Variants in RAI14 observed in about 807,000 individuals in gnomAD.
The protein encoded by RAI14 is retinoic acid induced 14, also known as ankycorbin.
Under a neutral mutation model 115.4 loss-of-function variants are expected in RAI14, and 45 were observed. That is an observed-to-expected ratio of 0.39 (90% CI 0.31 to 0.50). The LOEUF is 0.50. Ranked by LOEUF, RAI14 falls within the 20% of genes least tolerant of loss-of-function variation. RAI14 has a pLI of 0.85. For missense variants in RAI14, 939 were observed against 1,131.2 expected (o/e 0.83, Z 2.44); for synonymous variants, 371 against 415.4 (o/e 0.89, Z 1.30).
chr5:34,709,893 T>C (rs1172292284), intron 2 of RAI14, among the ~76,000 whole-genome samples: 2 of 152,210 alleles, frequency 1.3e-5, no homozygotes, highest in East Asian at 1.9e-4. Flanking sequence ...CCCCCAGAGA[T>C]AATGTGTGGA....
At chr5:34,800,942 G>C (rs1754185400) in intron 4 of RAI14, among the ~76,000 whole-genome samples, 1 of 152,168 alleles carries the variant, frequency 6.6e-6, no homozygotes, top group South Asian at 2.1e-4. Flanking sequence ...CATTTGTAAG[G>C]CATTTGTTTA....
At chr5:34,681,151 T>A (rs1036009534) in intron 1 of RAI14, among the ~76,000 whole-genome samples, 14 of 152,354 alleles carry the variant, frequency 9.2e-5, no homozygotes, top group Non-Finnish European at 1.8e-4. Flanking sequence ...TTAGGAAGGT[T>A]GGTCTGGAGA....
intron 2 of RAI14, among the ~76,000 whole-genome samples, chr5:34,754,410 T>C (rs1052053869): frequency 6.6e-6 from 1 of 152,162 alleles, no homozygotes; most frequent in African/African-American, 2.4e-5. Context: ...CTTAAAATTT[T>C]TTATTTTTAG....
chr5:34,807,283 G>A (rs554839108), intron 5 of RAI14, among the ~76,000 whole-genome samples: 7 of 152,236 alleles, frequency 4.6e-5, no homozygotes, highest in Admixed American at 2.6e-4. Flanking sequence ...GGAGCTGAGA[G>A]GTTGGAGAGA....
At chr5:34,794,380 G>T (rs1187064989) in intron 3 of RAI14, among the ~76,000 whole-genome samples, 1 of 152,176 alleles carries the variant, frequency 6.6e-6, no homozygotes, top group Non-Finnish European at 1.5e-5. Flanking sequence ...CCAAGATCAT[G>T]CCACTGCACT....
At chr5:34,780,367 A>T (rs542541386) in intron 3 of RAI14, among the ~76,000 whole-genome samples, 1 of 152,238 alleles carries the variant, frequency 6.6e-6, no homozygotes, top group African/African-American at 2.4e-5. Flanking sequence ...GCCAAAATTG[A>T]CAAATGGGAT....
chr5:34,778,082 T>C (rs1258757465), intron 3 of RAI14, among the ~76,000 whole-genome samples: 1 of 152,248 alleles, frequency 6.6e-6, no homozygotes, highest in Non-Finnish European at 1.5e-5. Context: ...TGAATTATAA[T>C]CTATGCATGT....
At position 34,831,747 on chromosome 5, in the gene RAI14, A is replaced by C. The variant is rs939290090; in HGVS notation, c.*982A>C. 1.3e-5 allele frequency: 2 copies of C among 152,188 alleles called. No individual in the cohort carries two copies. The highest frequency in any genetic ancestry group is 4.8e-5 in the African/African-American group (2 of 41,450). The allele number at this position is 152,188 out of a possible 1,614,324, so 9.4% of individuals were successfully genotyped here. On this transcript the variant is annotated 3_prime_UTR_variant, in exon 18 of 18. Coordinates refer to ENST00000265109, the MANE Select transcript of RAI14 (RefSeq NM_015577.3). ...TTTAAAAATATAACTTTTTCCTTAA[A>C]GTTTTCAGCTATAGCAAAAGGTAGT... is the stretch of plus-strand genomic sequence containing the variant.
chr5:34,709,632 C>T (rs749229364), intron 2 of RAI14, among the ~76,000 whole-genome samples: 10 of 152,324 alleles, frequency 6.6e-5, no homozygotes, highest in Non-Finnish European at 1.0e-4. Context: ...AACCCCACTG[C>T]ACATTAACAT....
chr5:34,810,917 A>G, intron 7 of RAI14, 95 bp from the exon 8 acceptor site: 6 of 1,579,510 alleles, frequency 3.8e-6, no homozygotes, highest in Non-Finnish European at 5.2e-6. Context: ...CAGCAGTCCA[A>G]GTCAGGAGAA....
At chr5:34,821,435 A>C (rs978505142) in intron 13 of RAI14, among the ~76,000 whole-genome samples, 14 of 152,186 alleles carry the variant, frequency 9.2e-5, no homozygotes, top group African/African-American at 2.7e-4. Flanking sequence ...AGAACCAAAA[A>C]CAACCAAGAT....
chr5:34,807,333 T>C (rs1001537948), intron 5 of RAI14, among the ~76,000 whole-genome samples: 3 of 151,870 alleles, frequency 2.0e-5, no homozygotes, highest in African/African-American at 7.3e-5. Context: ...AACATGAAGG[T>C]TTTTGGTGAC....
intron 3 of RAI14, among the ~76,000 whole-genome samples, chr5:34,794,499 CA>C (rs1753277379): frequency 6.6e-6 from 1 of 152,136 alleles, no homozygotes; most frequent in Non-Finnish European, 1.5e-5. Flanking sequence ...AATGTGAAAT[CA>C]CTTATAAAAT....
chr5:34,820,223 G>C (rs1356661808), intron 13 of RAI14, among the ~76,000 whole-genome samples: 1 of 152,164 alleles, frequency 6.6e-6, no homozygotes, highest in South Asian at 2.1e-4. Context: ...AAAAAGCATA[G>C]CATTAAAAAT....
chr5:34,778,154 CAT>C (rs568669795), intron 3 of RAI14, among the ~76,000 whole-genome samples: 61 of 152,270 alleles, frequency 4.0e-4, no homozygotes, highest in Non-Finnish European at 7.9e-4. Context: ...AAATTTTAAA[CAT>C]ATTTTTAAAA....
At chr5:34,741,731 A>G (rs1580096074) in intron 2 of RAI14, among the ~76,000 whole-genome samples, 1 of 152,134 alleles carries the variant, frequency 6.6e-6, no homozygotes, top group Non-Finnish European at 1.5e-5. Flanking sequence ...CTTGTTGACC[A>G]TGGACAGCCA....
At chr5:34,758,333 G>C (rs558523474) in intron 3 of RAI14, among the ~76,000 whole-genome samples, 1 of 152,160 alleles carries the variant, frequency 6.6e-6, no homozygotes, top group Non-Finnish European at 1.5e-5. Flanking sequence ...CTGAGACAAG[G>C]ATTTAAGTGC....
intron 3 of RAI14, among the ~76,000 whole-genome samples, chr5:34,774,529 T>TA (rs1240387965): frequency 1.3e-5 from 2 of 151,658 alleles, no homozygotes; most frequent in Non-Finnish European, 2.9e-5. Flanking sequence ...ACAAATAAAA[T>TA]AAAATACCTA....
intron 3 of RAI14, among the ~76,000 whole-genome samples, chr5:34,787,866 C>T (rs1261124140): frequency 9.0e-6 from 1 of 111,046 alleles, no homozygotes; most frequent in Non-Finnish European, 1.9e-5. Flanking sequence ...TGGTTTATTA[C>T]AGGGTTTCTT....
Sources: allele counts gnomAD v4.1 joint callset (sites outside exome capture counted in the v4.1 genomes callset), GRCh38; gene constraint gnomAD v4.1.1; transcripts MANE v1.5; gene names NCBI Gene and HGNC (gene_info 2026-07-23, HGNC 2026-07-21).